Variants in BMP6 observed in about 807,000 individuals in gnomAD.
The protein encoded by BMP6 is bone morphogenetic protein 6, also known as VG-1-R.
A neutral mutation model predicts 54.1 loss-of-function variants in BMP6; 17 were observed. That is an observed-to-expected ratio of 0.31 (90% CI 0.22 to 0.47). The LOEUF (loss-of-function observed/expected upper bound fraction) is 0.47. Among genes scored for constraint, BMP6 ranks in the 20% least tolerant of loss-of-function variants. The pLI is 1.00. For synonymous variants in BMP6, 328 were observed against 291.2 expected (o/e 1.13, Z -1.28); for missense variants, 720 against 690.4 (o/e 1.04, Z -0.48).
intron 2 of BMP6, among the ~76,000 whole-genome samples, chr6:7,856,745 C>T (rs1466839131): frequency 3.3e-5 from 5 of 149,760 alleles, no homozygotes; most frequent in Non-Finnish European, 7.4e-5. Flanking sequence ...TACAGGCGCC[C>T]GCCACTACGC....
At chr6:7,758,154 C>G (rs1757555215) in intron 1 of BMP6, among the ~76,000 whole-genome samples, 1 of 152,234 alleles carries the variant, frequency 6.6e-6, no homozygotes, top group South Asian at 2.1e-4. Context: ...ATAACATTTT[C>G]CGCAAACGTT....
chr6:7,833,720 T>C (rs1384509894), intron 1 of BMP6, among the ~76,000 whole-genome samples: 2 of 152,144 alleles, frequency 1.3e-5, no homozygotes, highest in Non-Finnish European at 2.9e-5. Context: ...TTCTGAAAAA[T>C]TCAGATGGGA....
intron 1 of BMP6, among the ~76,000 whole-genome samples, chr6:7,826,302 C>A (rs1018762103): frequency 6.6e-6 from 1 of 152,206 alleles, no homozygotes; most frequent in African/African-American, 2.4e-5. Flanking sequence ...TTCTCCTGTT[C>A]TGACTGTCCT....
chr6:7,760,975 C>G (rs969690488), intron 1 of BMP6, among the ~76,000 whole-genome samples: 1 of 152,222 alleles, frequency 6.6e-6, no homozygotes, highest in Admixed American at 6.5e-5. Flanking sequence ...ATTGTTCTTT[C>G]TCCCTGGATT....
chr6:7,835,461 ATTGTGCCTG>A (rs546829536), intron 1 of BMP6, among the ~76,000 whole-genome samples: 31 of 152,202 alleles, frequency 2.0e-4, no homozygotes, highest in Admixed American at 2.0e-3. Flanking sequence ...AGTGGAGGAT[ATTGTGCCTG>A]TTGTTCCTCT....
intron 1 of BMP6, among the ~76,000 whole-genome samples, chr6:7,781,248 C>T (rs1387845835): frequency 6.6e-6 from 1 of 152,184 alleles, no homozygotes; most frequent in African/African-American, 2.4e-5. Context: ...TACCACTTTA[C>T]AGATAAGGAA....
At chr6:7,791,986 TTGGATGGATGGA>T (rs55687662) in intron 1 of BMP6, among the ~76,000 whole-genome samples, 51,085 of 150,192 alleles carry the variant, frequency 0.34, 9,065 homozygotes, top group East Asian at 0.48. Flanking sequence ...ACAGGACCAA[TTGGATGGATGGA>T]TGGATGGATG....
At chr6:7,779,682 C>T (rs1005180334) in intron 1 of BMP6, among the ~76,000 whole-genome samples, 1 of 152,162 alleles carries the variant, frequency 6.6e-6, no homozygotes, top group Non-Finnish European at 1.5e-5. Flanking sequence ...TGCCATTACT[C>T]TTACATAGAA....
chr6:7,865,334 G>C (rs1043014373), intron 4 of BMP6, among the ~76,000 whole-genome samples: 1 of 152,192 alleles, frequency 6.6e-6, no homozygotes, highest in African/African-American at 2.4e-5. Flanking sequence ...GTAGTACAAA[G>C]GCAAAAGGGT....
intron 1 of BMP6, among the ~76,000 whole-genome samples, chr6:7,780,891 T>C (rs1006597654): frequency 6.6e-6 from 1 of 151,974 alleles, no homozygotes; most frequent in Non-Finnish European, 1.5e-5. Context: ...TTGTATTTTT[T>C]GTAGAGATGG....
chr6:7,879,738 C>T (rs1449452392), intron 5 of BMP6, among the ~76,000 whole-genome samples: 1 of 152,168 alleles, frequency 6.6e-6, no homozygotes, highest in Admixed American at 6.5e-5. Context: ...TTGCTGGCAA[C>T]CTACGTGCTT....
intron 1 of BMP6, among the ~76,000 whole-genome samples, chr6:7,757,398 A>G (rs1757534833): frequency 6.6e-6 from 1 of 152,150 alleles, no homozygotes; most frequent in African/African-American, 2.4e-5. Flanking sequence ...CATCACTTCC[A>G]TCTCTACCTC....
At chr6:7,874,535 C>T (rs957953356) in intron 4 of BMP6, among the ~76,000 whole-genome samples, 1 of 152,156 alleles carries the variant, frequency 6.6e-6, no homozygotes, top group African/African-American at 2.4e-5. Context: ...GCAGGAAGAT[C>T]ACTTGAGCCC....
chr6:7,791,028 T>C (rs1758096497), intron 1 of BMP6, among the ~76,000 whole-genome samples: 1 of 152,072 alleles, frequency 6.6e-6, no homozygotes, highest in African/African-American at 2.4e-5. Flanking sequence ...GCACATGTGT[T>C]CTCTCCCCTC....
rs375136626 is a variant in BMP6, at chr6:7,733,892, ACT to A, written c.664+6276_664+6277del. 3.2e-3 allele frequency among the ~76,000 whole-genome samples: 479 copies of A among 151,974 alleles called. 1 individual carries two copies. The highest frequency in any genetic ancestry group is 4.2e-3 in the Non-Finnish European group (286 of 67,980). On this transcript the variant is annotated intron_variant, in intron 1 of 6. Transcript: ENST00000283147. ...ACCACTTCGGTGAAAATTAGAGTTA[ACT>A]CTAATTTTTCAGTGCCATTAACCTC... is the stretch of plus-strand genomic sequence containing the variant.
At position 7,800,079 on chromosome 6, in the gene BMP6, GGTGTGTGTGTGT is replaced by G. The variant is rs72469855; in HGVS notation, c.665-45029_665-45018del. Reference sequence around the variant, plus strand: ...TGAGTGTTATTACGATAAAGGAAGGGGTGTGTGTGTGTGTGTGTGTGTGTGTGTGTGTGTGTG... The same window carrying G: ...TGAGTGTTATTACGATAAAGGAAGGGGTGTGTGTGTGTGTGTGTGTGTGTG... On this transcript the variant is annotated intron_variant, in intron 1 of 6. Coordinates refer to ENST00000283147, the MANE Select transcript of BMP6 (RefSeq NM_001718.6). Among the ~76,000 whole-genome samples, 719 of 145,144 alleles carry G rather than the reference GGTGTGTGTGTGT, an allele frequency of 5.0e-3. 5 individuals carry two copies. Among genetic ancestry groups the G allele is most frequent in the East Asian group, 0.024 (117 of 4,926 alleles).
At position 7,780,447 on chromosome 6, in the gene BMP6, G is replaced by C. The variant is rs950780161; in HGVS notation, c.664+52828G>C. ...CCCTGTAATCCCAGCTGCTCGGGAGGCTGAGGCAGAAGAATTGCTTGAACC... is the reference window on the plus strand; with the variant it reads ...CCCTGTAATCCCAGCTGCTCGGGAGCCTGAGGCAGAAGAATTGCTTGAACC... On this transcript the variant is annotated intron_variant, in intron 1 of 6. Transcript: ENST00000283147. 3.9e-5 allele frequency among the ~76,000 whole-genome samples: 6 copies of C among 151,968 alleles called. No homozygotes were observed. The East Asian group carries it at 1.2e-3, about 29-fold the overall frequency.
chr6:7,779,419 A>G (rs904544523), intron 1 of BMP6, among the ~76,000 whole-genome samples: 1 of 151,160 alleles, frequency 6.6e-6, no homozygotes, highest in African/African-American at 2.4e-5. Context: ...GCTCACTTCA[A>G]CCTCCACCTC....
intron 1 of BMP6, among the ~76,000 whole-genome samples, chr6:7,807,522 G>C (rs563348679): frequency 6.6e-6 from 1 of 152,004 alleles, no homozygotes; most frequent in African/African-American, 2.4e-5. Flanking sequence ...CTAGTGATCC[G>C]CCCACCTTGG....
Sources: gnomAD v4.1 joint callset for allele counts (sites outside exome capture counted in the v4.1 genomes callset) on GRCh38, gnomAD v4.1.1 for gene constraint, MANE v1.5 for transcripts, NCBI Gene and HGNC (gene_info 2026-07-23, HGNC 2026-07-21) for gene names.